The following MAP1LC3C variants were observed in gnomAD, a reference collection of about 807,000 sequenced individuals.
The protein encoded by MAP1LC3C is microtubule-associated protein 1 light chain 3 gamma.
Under a neutral mutation model 10.4 loss-of-function variants are expected in MAP1LC3C, and 12 were observed. The observed-to-expected ratio is 1.15, with a 90% CI of 0.74 to 1.86. The LOEUF is 1.86. Ranked by LOEUF, MAP1LC3C falls within the 40% of genes most tolerant of loss-of-function variation. The pLI, the probability that MAP1LC3C is intolerant of heterozygous loss-of-function variation, is 0.00. For missense variants in MAP1LC3C, 177 were observed against 185.7 expected (o/e 0.95, Z 0.27); for synonymous variants, 70 against 69.0 (o/e 1.01, Z -0.07).
intron 3 of MAP1LC3C, among the ~76,000 whole-genome samples, 158 bp from the exon 4 acceptor site, chr1:241,996,543 C>T (rs1665089717): frequency 6.6e-6 from 1 of 152,056 alleles, no homozygotes; most frequent in South Asian, 2.1e-4. Flanking sequence ...GAGGCCATTC[C>T]ATGGATGAAA....
chr1:242,000,215 C>T (rs556957040), upstream of MAP1LC3C, among the ~76,000 whole-genome samples: 17 of 152,252 alleles, frequency 1.1e-4, no homozygotes, highest in African/African-American at 4.1e-4. Flanking sequence ...CTTTCAATGC[C>T]GATTGCAAGC....
upstream of MAP1LC3C, among the ~76,000 whole-genome samples, chr1:242,001,101 C>A (rs1259398784): frequency 6.6e-6 from 1 of 151,942 alleles, no homozygotes; most frequent in African/African-American, 2.4e-5. Flanking sequence ...CATCATGAAA[C>A]CCTGTCTCTA....
At chr1:241,998,651 A>G in intron 2 of MAP1LC3C, 31 bp from the exon 3 acceptor site, 4 of 1,606,848 alleles carry the variant, frequency 2.5e-6, no homozygotes, top group Non-Finnish European at 3.4e-6. Flanking sequence ...TAAGAATGTG[A>G]CTCAGCGTGA....
rs759953523 is a variant in MAP1LC3C, at chr1:241,998,491, G to A, written c.221+23C>T. The A allele has an allele frequency of 1.3e-5, 21 of 1,607,606 alleles. No individual in the cohort carries two copies. In the Admixed American group the frequency reaches 3.5e-4, roughly 27 times the overall value. ...CGGCGCACCCAGCGCACCTTCCTCC[G>A]GGGCACGCTCTGCGCCACCTACCGG... On this transcript the variant is annotated intron_variant, in intron 3 of 3. Transcript: ENST00000357246.
upstream of MAP1LC3C, among the ~76,000 whole-genome samples, chr1:241,999,915 G>C (rs1016418563): frequency 2.6e-5 from 4 of 152,160 alleles, no homozygotes; most frequent in African/African-American, 7.2e-5. Context: ...GATAAAAGAA[G>C]GAAGGAAGGA....
upstream of MAP1LC3C, among the ~76,000 whole-genome samples, chr1:242,000,595 G>A (rs192437666): frequency 1.3e-5 from 2 of 152,144 alleles, no homozygotes; most frequent in African/African-American, 4.8e-5. Flanking sequence ...CCCCGCCTTG[G>A]GTTTCATTAA....
In MAP1LC3C at chr1:241,996,393, G is replaced by A. The variant is rs1324920043; in HGVS notation, c.222-8C>T. 6.2e-7 allele frequency: 1 copy of A among 1,611,810 alleles called. No homozygotes were observed. The highest frequency in any genetic ancestry group is 1.3e-5 in the African/African-American group (1 of 74,868). ...CTCAGGACCATGCGGCTCCTGGGAT[G>A]GGCAGGAGGGTGGTGAGGGTATGGC... On this transcript the variant is annotated splice_region_variant and splice_polypyrimidine_tract_variant and intron_variant, in intron 3 of 3. Transcript: ENST00000357246.
At chr1:242,000,923 C>T (rs995476236), upstream of MAP1LC3C, among the ~76,000 whole-genome samples, 8 of 152,242 alleles carry the variant, frequency 5.3e-5, no homozygotes, top group African/African-American at 1.9e-4. Flanking sequence ...TTCTGGCGAC[C>T]AGCCCCCATC....
chr1:241,996,044 G>A lies in MAP1LC3C; in HGVS notation c.*119C>T. On this transcript the variant is annotated 3_prime_UTR_variant, in exon 4 of 4. Coordinates refer to ENST00000357246, the MANE Select transcript of MAP1LC3C (RefSeq NM_001004343.3). The stretch of plus-strand genomic sequence containing the variant: ...CACCACTCTGCTGCCACTGGTTGGA[G>A]CTGATCACCCCAGGCATCCCTGCTT... The A allele has an allele frequency of 2.4e-6, 2 of 843,010 alleles. No individual in the cohort carries two copies. Among genetic ancestry groups the A allele is most frequent in the Non-Finnish European group, 3.6e-6 (2 of 559,964 alleles). The allele number at this position is 843,010 out of a possible 1,614,324, so 52.2% of individuals were successfully genotyped here. A position where few individuals can be genotyped will look rare whatever the true frequency, so the allele number is the denominator to read the frequency against.
chr1:241,999,500 C>T (rs1167703781), upstream of MAP1LC3C, among the ~76,000 whole-genome samples: 2 of 152,134 alleles, frequency 1.3e-5, no homozygotes, highest in Admixed American at 6.6e-5. Flanking sequence ...GTGATTTGCT[C>T]GAGGGCACAC....
chr1:241,996,909 C>CAAAAAAAAAAAAAAAAAAAAAAAAA (rs71174887), intron 3 of MAP1LC3C, among the ~76,000 whole-genome samples: 6 of 42,772 alleles, frequency 1.4e-4, no homozygotes, highest in African/African-American at 3.6e-4. Context: ...GACTGCGTCT[C>CAAAAAAAAAAAAAAAAAAAAAAAAA]AAAAAAAAAA....
At chr1:241,998,906 G>T in intron 1 of MAP1LC3C, 45 bp downstream of exon 1, 1 of 1,612,920 alleles carries the variant, frequency 6.2e-7, no homozygotes, top group Non-Finnish European at 8.5e-7. Context: ...GGCCAGATCC[G>T]CTCCTCTCTT....
At chr1:242,000,139 G>A (rs1005294768), upstream of MAP1LC3C, among the ~76,000 whole-genome samples, 4 of 152,178 alleles carry the variant, frequency 2.6e-5, no homozygotes, top group Admixed American at 2.6e-4. Flanking sequence ...ATCCAACTCT[G>A]ACACTGTCTA....
upstream of MAP1LC3C, among the ~76,000 whole-genome samples, chr1:241,999,412 G>T (rs1308345391): frequency 6.6e-6 from 1 of 152,190 alleles, no homozygotes; most frequent in Non-Finnish European, 1.5e-5. Flanking sequence ...ATCCACCTCA[G>T]CCTGAAGTGT....
Position 241,998,932 on chromosome 1 carries a change from GCT to G in MAP1LC3C, c.58+17_58+18del. On this transcript the variant is annotated intron_variant, in intron 1 of 3. Transcript: ENST00000357246. The stretch of plus-strand genomic sequence containing the variant: ...CTCCTCTCTTTAGATAACCCAGAAA[GCT>G]ACCCCAAGAAATTTACCCAAGCTTT... 1 of 1,610,782 alleles carries G rather than the reference GCT, an allele frequency of 6.2e-7. No individual in the cohort carries two copies. The highest frequency in any genetic ancestry group is 2.2e-5 in the East Asian group (1 of 44,868).
chr1:241,998,467 G>C lies in MAP1LC3C; in HGVS notation c.221+47C>G, dbSNP rs535664134. 4.1e-5 allele frequency: 63 copies of C among 1,543,080 alleles called. No homozygotes were observed. The South Asian group carries it at 5.9e-4, about 15-fold the overall frequency. On this transcript the variant is annotated intron_variant, in intron 3 of 3. Transcript: ENST00000357246. Reference sequence around the variant, plus strand: ...CAAACGAAGAAAGCCCAACAGCCCCGGCGCACCCAGCGCACCTTCCTCCGG... The same window carrying C: ...CAAACGAAGAAAGCCCAACAGCCCCCGCGCACCCAGCGCACCTTCCTCCGG...
chr1:241,998,043 T>TTTTTTTTTTTTA (rs1665122762), intron 3 of MAP1LC3C, among the ~76,000 whole-genome samples: 1 of 84,462 alleles, frequency 1.2e-5, no homozygotes, highest in African/African-American at 4.3e-5. Flanking sequence ...TTTTTTTTTT[T>TTTTTTTTTTTTA]GAGACAGAGT....
intron 1 of MAP1LC3C, 22 bp from the exon 2 acceptor site, chr1:241,998,853 GAGA>G: frequency 6.2e-7 from 1 of 1,614,000 alleles, no homozygotes; most frequent in Non-Finnish European, 8.5e-7. Context: ...TCAAGCACAA[GAGA>G]AGAAGCAAAG....
Position 241,998,553 on chromosome 1 carries a change from G to A in MAP1LC3C, c.182C>T (p.Pro61Leu). The A allele has an allele frequency of 6.2e-7, 1 of 1,613,854 alleles. No individual in the cohort carries two copies. Among genetic ancestry groups the A allele is most frequent in the Non-Finnish European group, 8.5e-7 (1 of 1,179,982 alleles). Reference protein sequence around the residue: ...PPLDKTKFLVPQELTMTQFLS... With the variant: ...PPLDKTKFLVLQELTMTQFLS... ...GAACTGGGTCATGGTCAGCTCCTGC[G>A]GGACCAGGAACTTGGTTTTGTCCAG... is the stretch of plus-strand genomic sequence containing the variant. The change falls in exon 3 of 4, where the codon CCG becomes CTG. Residue 61 changes from proline to leucine, a missense_variant. By Grantham distance (98) the Pro-to-Leu change is moderately conservative. Transcript: ENST00000357246.
Sources: allele counts gnomAD v4.1 joint callset (sites outside exome capture counted in the v4.1 genomes callset), GRCh38; gene constraint gnomAD v4.1.1; transcripts MANE v1.5; gene names NCBI Gene and HGNC (gene_info 2026-07-23, HGNC 2026-07-21).